WIPF3: variants seen among roughly 807,000 people sequenced by gnomAD.
WIPF3 encodes WAS/WASL interacting protein family member 3, also known as WAS/WASL-interacting protein family member 3.
WIPF3 carries 33 observed loss-of-function variants against 38.9 expected under a neutral mutation model. The observed-to-expected ratio is 0.85, with a 90% CI of 0.64 to 1.14. The LOEUF (loss-of-function observed/expected upper bound fraction) is 1.14. WIPF3 is among the 50% of genes most tolerant of loss of function. WIPF3 has a pLI of 0.00. For missense variants in WIPF3, 711 were observed against 652.5 expected, an observed-to-expected ratio of 1.09 and a Z score of -0.98; for synonymous variants, 324 against 269.3, an observed-to-expected ratio of 1.20 and a Z score of -1.99.
chr7:29,884,528 T>C lies in WIPF3; in HGVS notation c.1034T>C (p.Leu345Ser), dbSNP rs934595748. The C allele has an allele frequency of 2.5e-6, 4 of 1,577,706 alleles. No homozygotes were observed. In the African/African-American group the frequency reaches 4.1e-5, roughly 16 times the overall value. Residue 345 changes from leucine to serine, a missense_variant, in exon 5 of 9, where the codon TTG becomes TCG. Leu to Ser is a moderately radical substitution (Grantham distance 145). Coordinates refer to ENST00000242140, the MANE Select transcript of WIPF3 (RefSeq NM_001080529.3). ...CCGCAGAAGGCCGGTGCGCAGGCCT[T>C]GCCCGCCCCGCCTGCCCCTCCGGGC... ...APPQKAGAQA[L>S]PAPPAPPGSQ... is the part of the protein sequence containing the mutation.
At chr7:29,912,348 TG>T (rs1475441567) in intron 8 of WIPF3, among the ~76,000 whole-genome samples, 3 of 152,338 alleles carry the variant, frequency 2.0e-5, no homozygotes, top group Non-Finnish European at 2.9e-5. Flanking sequence ...ATGGTACAGC[TG>T]CTGTGGAAAA....
rs1269940277 is a variant in WIPF3, at chr7:29,878,521, A to G, written c.224-488A>G. Reference sequence around the variant, plus strand: ...GACAGGAAGGAAACTGCCAGGGCACAGTCATGGCAGGCTTTACCTCCTGCC... The same window carrying G: ...GACAGGAAGGAAACTGCCAGGGCACGGTCATGGCAGGCTTTACCTCCTGCC... On this transcript the variant is annotated intron_variant, in intron 3 of 8. Transcript: ENST00000242140. The surrounding 1 kb of genome is among the most constrained non-coding windows in gnomAD (Gnocchi z 4.0). 6.6e-6 allele frequency among the ~76,000 whole-genome samples: 1 copy of G among 152,198 alleles called. No homozygotes were observed. The highest frequency in any genetic ancestry group is 2.4e-5 in the African/African-American group (1 of 41,464).
intron 2 of WIPF3, among the ~76,000 whole-genome samples, chr7:29,871,684 T>C (rs1166852105): frequency 6.6e-6 from 1 of 152,224 alleles, no homozygotes; most frequent in Non-Finnish European, 1.5e-5. Context: ...TGTAAGGCAG[T>C]TGACTCATTT....
rs778941404 is a variant in WIPF3 at position 29,879,009 on chromosome 7, G to A, written c.224G>A (p.Ser75Asn). 6.3e-7 allele frequency: 1 copy of A among 1,596,176 alleles called. No homozygotes were observed. Among genetic ancestry groups the A allele is most frequent in the South Asian group, 1.1e-5 (1 of 88,048 alleles). Residue 75 changes from serine (S) to asparagine (N), a missense_variant and splice_region_variant, in exon 4 of 9, where the codon AGT (serine) becomes AAT (asparagine). Coordinates refer to ENST00000242140, the MANE Select transcript of WIPF3 (RefSeq NM_001080529.3). Reference sequence around the variant, plus strand: ...GCCTATTTGTGTCTTCTCTCTAAAGGTTCTAAAGGAACCAACAAAGAAGGA... The same window carrying A: ...GCCTATTTGTGTCTTCTCTCTAAAGATTCTAAAGGAACCAACAAAGAAGGA... Reference protein sequence around the residue: ...INDRSAPQIESSKGTNKEGGG... With the variant: ...INDRSAPQIENSKGTNKEGGG...
At chr7:29,876,106 A>G in intron 3 of WIPF3, 144 bp downstream of exon 3, 1 of 1,110,576 alleles carries the variant, frequency 9.0e-7, no homozygotes. Context: ...GGACAGGCCA[A>G]GTGGGCGAGA....
Position 29,816,731 on chromosome 7 carries a change from A to G in WIPF3, c.-58+10053A>G, listed in dbSNP as rs150033138. ...ACAGGGCTGCCATATTCTTTGTGAC[A>G]GCTACCTAGTGTGTCAGTATAATGT... On this transcript the variant is annotated intron_variant, in intron 1 of 8. Coordinates refer to ENST00000242140, the MANE Select transcript of WIPF3 (RefSeq NM_001080529.3). 1.1e-3 allele frequency among the ~76,000 whole-genome samples: 160 copies of G among 152,310 alleles called. 3 individuals carry two copies. The Middle Eastern group carries it at 0.014, about 13-fold the overall frequency.
chr7:29,898,323 C>T (rs1786198080), intron 7 of WIPF3, among the ~76,000 whole-genome samples: 1 of 152,192 alleles, frequency 6.6e-6, no homozygotes, highest in East Asian at 1.9e-4. Flanking sequence ...CCAGTGAACT[C>T]GGGTGTCTCT....
chr7:29,847,198 T>G (rs1184538723), intron 2 of WIPF3, among the ~76,000 whole-genome samples: 1 of 152,170 alleles, frequency 6.6e-6, no homozygotes, highest in African/African-American at 2.4e-5. Context: ...GGAAAACAAC[T>G]GGATAAATAA....
At chr7:29,864,248 T>A (rs1411329335) in intron 2 of WIPF3, among the ~76,000 whole-genome samples, 1 of 152,246 alleles carries the variant, frequency 6.6e-6, no homozygotes, top group Non-Finnish European at 1.5e-5. Flanking sequence ...TTGAATTTTG[T>A]CAGATGCTTT....
At chr7:29,807,225 G>A (rs574452371) in intron 1 of WIPF3, among the ~76,000 whole-genome samples, 1 of 152,306 alleles carries the variant, frequency 6.6e-6, no homozygotes, top group South Asian at 2.1e-4. Flanking sequence ...CTCCAGAGAT[G>A]TGAAGTGACT....
rs1274086774 is a variant in WIPF3 at position 29,856,426 on chromosome 7, G to A, written c.91-19404G>A. On this transcript the variant is annotated intron_variant, in intron 2 of 8. Coordinates refer to ENST00000242140, the MANE Select transcript of WIPF3 (RefSeq NM_001080529.3). Reference sequence around the variant, plus strand: ...GAGGATTGCTTGAGCCCAGGAGTTCGAGAATAGCATGAGCAACAAAATGAG... The same window carrying A: ...GAGGATTGCTTGAGCCCAGGAGTTCAAGAATAGCATGAGCAACAAAATGAG... 3.9e-5 allele frequency among the ~76,000 whole-genome samples: 6 copies of A among 152,014 alleles called. No individual in the cohort carries two copies. In the East Asian group the frequency reaches 1.2e-3, roughly 29 times the overall value.
rs573654218 is a variant in WIPF3 at position 29,896,155 on chromosome 7, A to T, written c.1351+6748A>T. 5.6e-4 allele frequency among the ~76,000 whole-genome samples: 86 copies of T among 152,270 alleles called. 1 individual carries two copies. Among genetic ancestry groups the T allele is most frequent in the African/African-American group, 2.0e-3 (82 of 41,570 alleles). On this transcript the variant is annotated intron_variant, in intron 7 of 8. Transcript: ENST00000242140. ...GACTCTGTCTTTACAGAAAAATTTT[A>T]AAAATTAGCCAGGCATGGTGGTGTG...
At chr7:29,868,865 A>C (rs1323396647) in intron 2 of WIPF3, among the ~76,000 whole-genome samples, 1 of 152,174 alleles carries the variant, frequency 6.6e-6, no homozygotes, top group Non-Finnish European at 1.5e-5. Flanking sequence ...GAAAGGTACA[A>C]TAACAATATG....
chr7:29,819,504 T>C (rs181125318), intron 1 of WIPF3, among the ~76,000 whole-genome samples: 1 of 152,222 alleles, frequency 6.6e-6, no homozygotes, highest in East Asian at 1.9e-4. Context: ...AACATTTATC[T>C]TTTTCCTAAT....
intron 4 of WIPF3, among the ~76,000 whole-genome samples, chr7:29,880,878 C>T (rs920078049): frequency 9.9e-5 from 15 of 152,172 alleles, no homozygotes; most frequent in African/African-American, 2.7e-4. Context: ...ACTTTCCCAA[C>T]AGCCCCCTTC....
intron 1 of WIPF3, among the ~76,000 whole-genome samples, chr7:29,832,320 T>C (rs920559131): frequency 2.6e-5 from 4 of 152,024 alleles, no homozygotes; most frequent in African/African-American, 9.7e-5. Context: ...TCCAACTAAA[T>C]TGTGGGCCTG....
chr7:29,843,693 C>A (rs957689789), intron 2 of WIPF3, among the ~76,000 whole-genome samples: 1 of 152,166 alleles, frequency 6.6e-6, no homozygotes, highest in African/African-American at 2.4e-5. Flanking sequence ...TTCATCTGTA[C>A]GCTGCTGTGC....
At position 29,829,077 on chromosome 7, in the gene WIPF3, C is replaced by T. The variant is rs192113662; in HGVS notation, c.-57-5591C>T. 2.8e-4 allele frequency among the ~76,000 whole-genome samples: 42 copies of T among 152,262 alleles called. 1 individual carries two copies. In the East Asian group the frequency reaches 5.2e-3, roughly 19 times the overall value. ...TTACTAGAACAGACTCCTTTAGTCA[C>T]CTCTCTGCCTGGTGAAAAATAAGAT... is the stretch of plus-strand genomic sequence containing the variant. On this transcript the variant is annotated intron_variant, in intron 1 of 8. Transcript: ENST00000242140.
At chr7:29,880,166 T>C (rs1244978385) in intron 4 of WIPF3, among the ~76,000 whole-genome samples, 4 of 152,246 alleles carry the variant, frequency 2.6e-5, no homozygotes, top group Admixed American at 6.5e-5. Flanking sequence ...CTGTTTTTCC[T>C]ATTCTTGTTC....
Sources: allele counts gnomAD v4.1 joint callset (sites outside exome capture counted in the v4.1 genomes callset), GRCh38; gene constraint gnomAD v4.1.1; non-coding constraint Gnocchi (gnomAD v3.1); transcripts MANE v1.5; gene names NCBI Gene and HGNC (gene_info 2026-07-23, HGNC 2026-07-21).